Variants in TRAPPC8 observed in about 807,000 individuals in gnomAD.
The protein encoded by TRAPPC8 is trafficking protein particle complex subunit 8.
Under a neutral mutation model 174.3 loss-of-function variants are expected in TRAPPC8, and 54 were observed. The ratio of observed to expected loss-of-function variants is 0.31; its 90% CI spans 0.25 to 0.39. The LOEUF (loss-of-function observed/expected upper bound fraction) is 0.39. TRAPPC8 is among the 10% of genes least tolerant of loss of function. The pLI is 1.00. For synonymous variants in TRAPPC8, 630 were observed against 579.9 expected, an observed-to-expected ratio of 1.09 and a Z score of -1.24; for missense variants, 1,531 against 1,699.1, an observed-to-expected ratio of 0.90 and a Z score of 1.74.
intron 11 of TRAPPC8, among the ~76,000 whole-genome samples, chr18:31,895,457 T>C (rs1427666990): frequency 6.6e-6 from 1 of 152,170 alleles, no homozygotes; most frequent in East Asian, 1.9e-4. Flanking sequence ...ATAACAATGA[T>C]ACATTTTCTA....
intron 12 of TRAPPC8, among the ~76,000 whole-genome samples, chr18:31,886,354 A>AG (rs1448381943): frequency 6.7e-6 from 1 of 149,062 alleles, no homozygotes; most frequent in Non-Finnish European, 1.5e-5. Context: ...GGAAAAAAAA[A>AG]AAAAAAAAAA....
At chr18:31,842,811 T>C (rs1417145889) in intron 26 of TRAPPC8, among the ~76,000 whole-genome samples, 1 of 152,204 alleles carries the variant, frequency 6.6e-6, no homozygotes, top group Non-Finnish European at 1.5e-5. Context: ...AGCAGGTATA[T>C]GATGCAAATA....
chr18:31,932,760 T>A (rs889385367), intron 1 of TRAPPC8, among the ~76,000 whole-genome samples: 1 of 151,752 alleles, frequency 6.6e-6, no homozygotes, highest in Non-Finnish European at 1.5e-5. Context: ...GGTGGGTGGA[T>A]CACCTGAGGT....
intron 9 of TRAPPC8, among the ~76,000 whole-genome samples, chr18:31,905,969 T>C (rs2036638483): frequency 6.6e-6 from 1 of 152,120 alleles, no homozygotes; most frequent in African/African-American, 2.4e-5. Context: ...TAGCTTAAAT[T>C]GGATGACTAT....
At chr18:31,840,097 G>T (rs138042669) in intron 26 of TRAPPC8, among the ~76,000 whole-genome samples, 403 of 152,242 alleles carry the variant, frequency 2.6e-3, no homozygotes, top group African/African-American at 8.9e-3. Context: ...GGTGGCTCAC[G>T]TCTGTAATCC....
intron 27 of TRAPPC8, among the ~76,000 whole-genome samples, chr18:31,837,086 C>T (rs1030952055): frequency 1.3e-5 from 2 of 151,908 alleles, no homozygotes; most frequent in African/African-American, 4.8e-5. Context: ...TCTTACATTT[C>T]CCCAGGTGAA....
chr18:31,942,339 T>G (rs12326244), intron 1 of TRAPPC8, among the ~76,000 whole-genome samples: 10 of 152,022 alleles, frequency 6.6e-5, no homozygotes, highest in Admixed American at 6.6e-4. Context: ...AGACTCACGT[T>G]TATCTTTGCA....
chr18:31,855,994 T>C (rs1172413596), intron 20 of TRAPPC8, among the ~76,000 whole-genome samples, 187 bp from the exon 21 acceptor site: 1 of 152,214 alleles, frequency 6.6e-6, no homozygotes, highest in Non-Finnish European at 1.5e-5. Flanking sequence ...TCTATCCAAT[T>C]TGGAAGGAAA....
In TRAPPC8 at chr18:31,911,450, C is replaced by CAA. The variant is rs57267028; in HGVS notation, c.772-1692_772-1691dup. On this transcript the variant is annotated intron_variant, in intron 5 of 28. Transcript: ENST00000283351. ...TGGGCAACAGAGTGAGACTCCGTCT[C>CAA]AAAAAAAAAAAAAAATTTCTGGCCG... Among the ~76,000 whole-genome samples the CAA allele has an allele frequency of 1.1e-4, 12 of 110,400 alleles. No homozygotes were observed. The East Asian group carries it at 1.5e-3, about 14-fold the overall frequency. 72.4% of individuals were successfully genotyped at this position (110,400 alleles called of 152,430 possible). A position where few individuals can be genotyped will look rare whatever the true frequency, so the allele number is the denominator to read the frequency against.
At chr18:31,902,852 A>T (rs986563981) in intron 9 of TRAPPC8, among the ~76,000 whole-genome samples, 4 of 152,064 alleles carry the variant, frequency 2.6e-5, no homozygotes, top group African/African-American at 9.7e-5. Flanking sequence ...TATCGAGACC[A>T]TCCTGGCTAA....
chr18:31,928,955 TG>T (rs2037739325), intron 2 of TRAPPC8, among the ~76,000 whole-genome samples: 1 of 151,164 alleles, frequency 6.6e-6, no homozygotes, highest in Non-Finnish European at 1.5e-5. Context: ...CTGAGGCAGG[TG>T]GATCAGTTGA....
chr18:31,905,769 A>G lies in TRAPPC8; in HGVS notation c.1389+1691T>C, dbSNP rs527945750. Among the ~76,000 whole-genome samples, 17 of 152,272 alleles carry G rather than the reference A, an allele frequency of 1.1e-4. No homozygotes were observed. In the South Asian group the frequency reaches 3.5e-3, roughly 32 times the overall value. Reference sequence around the variant, plus strand: ...GTGCACATATATCATCTAAGAATAAATATGCCTTTATTTTCCAGTGCTATA... The same window carrying G: ...GTGCACATATATCATCTAAGAATAAGTATGCCTTTATTTTCCAGTGCTATA... On this transcript the variant is annotated intron_variant, in intron 9 of 28. Coordinates refer to ENST00000283351, the MANE Select transcript of TRAPPC8 (RefSeq NM_014939.5).
intron 18 of TRAPPC8, 59 bp from the exon 19 acceptor site, chr18:31,864,840 T>C: frequency 7.1e-7 from 1 of 1,413,798 alleles, no homozygotes; most frequent in African/African-American, 1.5e-5. Context: ...GACATCAATT[T>C]AACTTGAATA....
intron 2 of TRAPPC8, among the ~76,000 whole-genome samples, chr18:31,929,459 C>A (rs1598753585): frequency 6.6e-6 from 1 of 151,718 alleles, no homozygotes; most frequent in Admixed American, 6.6e-5. Flanking sequence ...TCCAGGAGTT[C>A]AAGGCTGCAA....
At chr18:31,914,074 G>A (rs967515011) in intron 4 of TRAPPC8, among the ~76,000 whole-genome samples, 2 of 144,200 alleles carry the variant, frequency 1.4e-5, no homozygotes, top group Non-Finnish European at 3.0e-5. Context: ...GAGGTGGGAA[G>A]ACTGCTTGAG....
At chr18:31,901,152 T>A in intron 9 of TRAPPC8, 127 bp from the exon 10 acceptor site, 1 of 707,602 alleles carries the variant, frequency 1.4e-6, no homozygotes, top group Non-Finnish European at 2.2e-6. Context: ...ATAAACTTCA[T>A]AGCCTAATGC....
intron 2 of TRAPPC8, among the ~76,000 whole-genome samples, chr18:31,926,868 GA>G (rs2037637101): frequency 1.3e-5 from 2 of 152,168 alleles, no homozygotes; most frequent in Non-Finnish European, 2.9e-5. Flanking sequence ...AGATGGAGTG[GA>G]AAGGATAGAC....
At chr18:31,920,791 A>G (rs759449771) in intron 2 of TRAPPC8, among the ~76,000 whole-genome samples, 34 of 151,922 alleles carry the variant, frequency 2.2e-4, no homozygotes, top group Non-Finnish European at 4.7e-4. Flanking sequence ...AAATGCAAAA[A>G]TTAGCTGGGC....
intron 4 of TRAPPC8, among the ~76,000 whole-genome samples, chr18:31,915,280 G>C (rs1344389053): frequency 1.3e-5 from 2 of 150,626 alleles, no homozygotes; most frequent in African/African-American, 4.9e-5. Flanking sequence ...GGCCTACGTG[G>C]TGAAACCCTA....
Sources: allele counts gnomAD v4.1 joint callset (sites outside exome capture counted in the v4.1 genomes callset), GRCh38; gene constraint gnomAD v4.1.1; transcripts MANE v1.5; gene names NCBI Gene and HGNC (gene_info 2026-07-23, HGNC 2026-07-21).